Variants in ANGPT4 observed in about 807,000 individuals in gnomAD.
ANGPT4 encodes angiopoietin 4, also known as angiopoietin-4.
A neutral mutation model predicts 53.0 loss-of-function variants in ANGPT4; 50 were observed. That is an observed-to-expected ratio of 0.94 (90% CI 0.75 to 1.20). ANGPT4 has a LOEUF of 1.20. Ranked by LOEUF, ANGPT4 falls within the 50% of genes most tolerant of loss-of-function variation. The pLI, the probability that ANGPT4 is intolerant of heterozygous loss-of-function variation, is 0.00. For missense variants in ANGPT4, 648 were observed against 637.1 expected (o/e 1.02, Z -0.18); for synonymous variants, 251 against 259.7 (o/e 0.97, Z 0.32).
At chr20:902,306 G>A (rs1033287652) in intron 1 of ANGPT4, among the ~76,000 whole-genome samples, 1 of 151,956 alleles carries the variant, frequency 6.6e-6, no homozygotes, top group African/African-American at 2.4e-5. Context: ...CCAGGGATCT[G>A]TGAATAGAAT....
In ANGPT4 at chr20:885,163, G is replaced by A; in HGVS notation, c.750C>T (p.Leu250=). 1.9e-6 allele frequency: 3 copies of A among 1,609,914 alleles called. No homozygotes were observed. In the South Asian group the frequency reaches 3.3e-5, roughly 18 times the overall value. ...GCAGGCTGTGCTGCTGGTCCTGCAG[G>A]AGGCTGGAGTTGTGCCTGACACCGC... ...GLRGVRHNSS[L]LQDQQHSLRQ... Residue 250 remains leucine, a synonymous_variant, in exon 4 of 9, where the codon CTC becomes CTT. Transcript: ENST00000381922.
Position 872,210 on chromosome 20 carries a change from C to T in ANGPT4, c.*750G>A, listed in dbSNP as rs926059604. 1.3e-5 allele frequency: 2 copies of T among 152,256 alleles called. No homozygotes were observed. Among genetic ancestry groups the T allele is most frequent in the Non-Finnish European group, 1.5e-5 (1 of 68,102 alleles). 9.4% of individuals were successfully genotyped at this position (152,256 alleles called of 1,614,324 possible). A position where few individuals can be genotyped will look rare whatever the true frequency, so the allele number is the denominator to read the frequency against. ...CCTGCTGTTTCCTTTTCTCATTGCT[C>T]ATAGGTACTTTTAGAGACAAGCCAT... On this transcript the variant is annotated 3_prime_UTR_variant, in exon 9 of 9. Transcript: ENST00000381922.
chr20:899,681 T>C (rs1175664244), intron 1 of ANGPT4, among the ~76,000 whole-genome samples: 1 of 152,202 alleles, frequency 6.6e-6, no homozygotes, highest in Non-Finnish European at 1.5e-5. Context: ...ATCAACCAAA[T>C]TGTCTTGCCT....
chr20:889,531 G>A (rs1486514391), intron 2 of ANGPT4, among the ~76,000 whole-genome samples: 9 of 152,178 alleles, frequency 5.9e-5, no homozygotes, highest in Non-Finnish European at 1.0e-4. Context: ...AACAGCATAC[G>A]ATACTCTTAT....
At chr20:903,673 G>A (rs529025400) in intron 1 of ANGPT4, among the ~76,000 whole-genome samples, 6 of 152,358 alleles carry the variant, frequency 3.9e-5, no homozygotes, top group African/African-American at 1.4e-4. Context: ...CCAGTGAACA[G>A]AGTCCAAACC....
intron 3 of ANGPT4, among the ~76,000 whole-genome samples, chr20:886,574 A>G (rs1394377092): frequency 6.6e-6 from 1 of 152,250 alleles, no homozygotes; most frequent in Admixed American, 6.5e-5. Context: ...TCAAAAACTC[A>G]TTTAATACAC....
chr20:884,162 C>G (rs1294133443), intron 4 of ANGPT4, among the ~76,000 whole-genome samples: 1 of 152,234 alleles, frequency 6.6e-6, no homozygotes, highest in Non-Finnish European at 1.5e-5. Flanking sequence ...TAGTCCCACT[C>G]TGTTCAAAAG....
intron 8 of ANGPT4, among the ~76,000 whole-genome samples, chr20:874,081 G>T (rs929899633): frequency 3.3e-5 from 5 of 152,184 alleles, no homozygotes; most frequent in Non-Finnish European, 4.4e-5. Flanking sequence ...TTAGGAGGAG[G>T]TGAGACCTGG....
At chr20:890,446 G>A (rs550176314) in intron 1 of ANGPT4, 78 bp from the exon 2 acceptor site, 264 of 1,415,312 alleles carry the variant, frequency 1.9e-4, no homozygotes, top group Middle Eastern at 7.6e-4. Context: ...CACCATGGGA[G>A]GGCACTGAGC....
At chr20:886,280 G>T (rs1981616937) in intron 3 of ANGPT4, among the ~76,000 whole-genome samples, 2 of 152,190 alleles carry the variant, frequency 1.3e-5, no homozygotes, top group Non-Finnish European at 2.9e-5. Context: ...TTAGTAAAAG[G>T]CTGGAAGCAA....
At chr20:900,093 A>G (rs1334422351) in intron 1 of ANGPT4, among the ~76,000 whole-genome samples, 1 of 152,114 alleles carries the variant, frequency 6.6e-6, no homozygotes, top group Non-Finnish European at 1.5e-5. Flanking sequence ...AACCTCTTCT[A>G]TGTGGGTTAC....
At chr20:890,491 G>A (rs535774271) in intron 1 of ANGPT4, 123 bp from the exon 2 acceptor site, 56 of 877,730 alleles carry the variant, frequency 6.4e-5, no homozygotes, top group African/African-American at 3.2e-4. Context: ...AGAACATGCC[G>A]GGCCAGGTCA....
Position 916,085 on chromosome 20 carries a change from T to C in ANGPT4, c.130A>G (p.Ser44Gly). The C allele has an allele frequency of 6.2e-7, 1 of 1,614,192 alleles. No homozygotes were observed. Among genetic ancestry groups the C allele is most frequent in the Non-Finnish European group, 8.5e-7 (1 of 1,180,024 alleles). Reference protein sequence around the residue: ...ETLVVQHGHCSYTFLLPKSEP... With the variant: ...ETLVVQHGHCGYTFLLPKSEP... Reference sequence around the variant, plus strand: ...GACTTGGGCAGCAAGAAGGTGTAGCTACAGTGGCCGTGCTGGACTACAAGT... The same window carrying C: ...GACTTGGGCAGCAAGAAGGTGTAGCCACAGTGGCCGTGCTGGACTACAAGT... The change falls in exon 1 of 9, where the codon AGC becomes GGC. Residue 44 changes from serine (S) to glycine (G), a missense_variant. By Grantham distance (56) the Ser-to-Gly change is moderately conservative. Coordinates refer to ENST00000381922, the MANE Select transcript of ANGPT4 (RefSeq NM_015985.4).
chr20:881,703 G>T (rs1981413258), intron 4 of ANGPT4, among the ~76,000 whole-genome samples: 1 of 152,196 alleles, frequency 6.6e-6, no homozygotes, highest in South Asian at 2.1e-4. Flanking sequence ...GCACAGAGAA[G>T]GTGGGGAAGG....
At chr20:901,296 G>T (rs543389763) in intron 1 of ANGPT4, among the ~76,000 whole-genome samples, 1 of 152,284 alleles carries the variant, frequency 6.6e-6, no homozygotes, top group Non-Finnish European at 1.5e-5. Context: ...AACCACAAAA[G>T]AAGTGAAAAT....
At chr20:895,282 C>T (rs1568844431) in intron 1 of ANGPT4, among the ~76,000 whole-genome samples, 1 of 152,172 alleles carries the variant, frequency 6.6e-6, no homozygotes, top group Non-Finnish European at 1.5e-5. Context: ...AATTCTCAGG[C>T]CTATGATGGG....
At chr20:878,915 T>C (rs1249179382) in intron 6 of ANGPT4, among the ~76,000 whole-genome samples, 1 of 152,162 alleles carries the variant, frequency 6.6e-6, no homozygotes, top group Non-Finnish European at 1.5e-5. Context: ...CCAATGCCCT[T>C]GGACAGAACA....
rs1197233421 is a variant in ANGPT4 at position 885,875 on chromosome 20, AAAGT to A, written c.588-554_588-551del. Among the ~76,000 whole-genome samples the A allele has an allele frequency of 3.9e-5, 6 of 152,336 alleles. No homozygotes were observed. In the South Asian group the frequency reaches 8.3e-4, roughly 21 times the overall value. On this transcript the variant is annotated intron_variant, in intron 3 of 8. Transcript: ENST00000381922. ...CCCCATGTGTGGCAAGAGAAGAAAG[AAAGT>A]ATTAATGTAAATAAAGAGAAATGGG... is the stretch of plus-strand genomic sequence containing the variant.
Position 890,331 on chromosome 20 carries a change from A to G in ANGPT4, c.347T>C (p.Leu116Pro), listed in dbSNP as rs759501738. ...GGCCATTTGCTGCTGGACCTGCTCC[A>G]GCTTCGACCTCAAGATCGTCTTGAT... ...RAIKTILRSKLEQVQQQMAQN... is the reference protein window; with the variant it reads ...RAIKTILRSKPEQVQQQMAQN... Residue 116 changes from leucine (L) to proline (P), a missense_variant, in exon 2 of 9, where the codon CTG becomes CCG. Leu to Pro is a moderately conservative substitution (Grantham distance 98). Coordinates refer to ENST00000381922, the MANE Select transcript of ANGPT4 (RefSeq NM_015985.4). The G allele has an allele frequency of 6.2e-7, 1 of 1,611,372 alleles. No individual in the cohort carries two copies. Among genetic ancestry groups the G allele is most frequent in the Non-Finnish European group, 8.5e-7 (1 of 1,178,788 alleles).
Sources: gnomAD v4.1 joint callset for allele counts (sites outside exome capture counted in the v4.1 genomes callset) on GRCh38, gnomAD v4.1.1 for gene constraint, MANE v1.5 for transcripts, NCBI Gene and HGNC (gene_info 2026-07-23, HGNC 2026-07-21) for gene names.